The following WDSUB1 variants were observed in gnomAD, a reference collection of about 807,000 sequenced individuals.
WDSUB1 encodes the protein WD repeat, SAM and U-box domain-containing protein 1.
In WDSUB1, 49 loss-of-function variants were observed where a neutral mutation model predicts 53.9. The observed-to-expected ratio is 0.91, with a 90% CI of 0.72 to 1.15. The LOEUF is 1.15. Ranked by LOEUF, WDSUB1 falls within the 50% of genes most tolerant of loss-of-function variation. WDSUB1 has a pLI of 0.00. For missense variants in WDSUB1, 514 were observed against 562.0 expected (o/e 0.91, Z 0.86); for synonymous variants, 194 against 200.6 (o/e 0.97, Z 0.28).
At position 159,286,638 on chromosome 2, in the gene WDSUB1, G is replaced by C. The variant is rs1316071014; in HGVS notation, c.-80C>G. 6.6e-6 allele frequency: 1 copy of C among 152,478 alleles called. No individual in the cohort carries two copies. Among genetic ancestry groups the C allele is most frequent in the South Asian group, 2.1e-4 (1 of 4,842 alleles). The allele number at this position is 152,478 out of a possible 1,614,324, so 9.4% of individuals were successfully genotyped here. A position where few individuals can be genotyped will look rare whatever the true frequency, so the allele number is the denominator to read the frequency against. ...TTCAAGGTGCCCACGGGCGGTGCGGGTCACGTGCCGCGCAGGTGAGGCTGG... is the reference window on the plus strand; with the variant it reads ...TTCAAGGTGCCCACGGGCGGTGCGGCTCACGTGCCGCGCAGGTGAGGCTGG... On this transcript the variant is annotated 5_prime_UTR_variant, in exon 1 of 11. Transcript: ENST00000359774.
intron 6 of WDSUB1, 103 bp downstream of exon 6, chr2:159,259,707 T>C (rs1406793531): frequency 7.9e-7 from 1 of 1,263,820 alleles, no homozygotes; most frequent in Non-Finnish European, 1.1e-6. Flanking sequence ...TTAGTCATAC[T>C]AAACAGAAAA....
intron 6 of WDSUB1, 69 bp downstream of exon 6, chr2:159,259,741 C>A: frequency 1.4e-6 from 2 of 1,422,050 alleles, no homozygotes; most frequent in Admixed American, 5.4e-5. Flanking sequence ...TCTACCAGGC[C>A]TAACTTGAAG....
intron 10 of WDSUB1, among the ~76,000 whole-genome samples, chr2:159,239,245 C>T (rs74412096): frequency 0.072 from 10,885 of 150,938 alleles, no homozygotes; most frequent in East Asian, 0.19. Context: ...GCTCAAACAA[C>T]GCTCCCACCT....
At position 159,282,800 on chromosome 2, in the gene WDSUB1, T is replaced by C. The variant is rs1251454327; in HGVS notation, c.270A>G (p.Ala90=). The C allele has an allele frequency of 1.9e-6, 3 of 1,614,106 alleles. No homozygotes were observed. Among genetic ancestry groups the C allele is most frequent in the Non-Finnish European group, 2.5e-6 (3 of 1,180,050 alleles). The change falls in exon 2 of 11, where the codon GCA becomes GCG. Residue 90 remains alanine (A), a synonymous_variant. Coordinates refer to ENST00000359774, the MANE Select transcript of WDSUB1 (RefSeq NM_001128212.3). ...GGCTGCCACTAGGCTGTTCCATCAC[T>C]GCCAGCATCTGTCCATTTTCAGTAT... ...LWNTENGQML[A]VMEQPSGSPV...
intron 5 of WDSUB1, among the ~76,000 whole-genome samples, chr2:159,270,842 TAC>T (rs35573661): frequency 1.3e-5 from 2 of 151,042 alleles, no homozygotes; most frequent in African/African-American, 4.9e-5. Context: ...AATATAAAAA[TAC>T]ACACACACAC....
chr2:159,275,244 A>T (rs2061516866), intron 4 of WDSUB1, among the ~76,000 whole-genome samples: 1 of 139,726 alleles, frequency 7.2e-6, no homozygotes, highest in African/African-American at 2.5e-5. Flanking sequence ...GTGAATAAAT[A>T]AAAAAATGTA....
At chr2:159,272,654 T>C (rs2151131354) in intron 4 of WDSUB1, among the ~76,000 whole-genome samples, 1 of 152,266 alleles carries the variant, frequency 6.6e-6, no homozygotes, top group Non-Finnish European at 1.5e-5. Context: ...AATACGCCAA[T>C]TGCCCAAAAG....
At position 159,257,745 on chromosome 2, in the gene WDSUB1, T is replaced by G. The variant is rs1382784192; in HGVS notation, c.952+13A>C. Reference sequence around the variant, plus strand: ...TGGGGTTGAAATGAGTGAAAAATGATGTCCTTACTAACCTTGGCAAAGTGT... The same window carrying G: ...TGGGGTTGAAATGAGTGAAAAATGAGGTCCTTACTAACCTTGGCAAAGTGT... On this transcript the variant is annotated intron_variant, in intron 8 of 10. Coordinates refer to ENST00000359774, the MANE Select transcript of WDSUB1 (RefSeq NM_001128212.3). 1 of 1,607,324 alleles carries G rather than the reference T, an allele frequency of 6.2e-7. No individual in the cohort carries two copies. Among genetic ancestry groups the G allele is most frequent in the South Asian group, 1.1e-5 (1 of 90,878 alleles).
At position 159,272,284 on chromosome 2, in the gene WDSUB1, C is replaced by T. The variant is rs1483586065; in HGVS notation, c.677-489G>A. Among the ~76,000 whole-genome samples the T allele has an allele frequency of 2.0e-5, 3 of 152,204 alleles. 1 individual carries two copies. The highest frequency in any genetic ancestry group is 2.0e-4 in the Admixed American group (3 of 15,278). The stretch of plus-strand genomic sequence containing the variant: ...GTTACGGATTGCAGAAACATGATCA[C>T]TAACCCCACTGGACGTTATCTCAGG... On this transcript the variant is annotated intron_variant, in intron 4 of 10. Coordinates refer to ENST00000359774, the MANE Select transcript of WDSUB1 (RefSeq NM_001128212.3).
In WDSUB1 at chr2:159,256,312, G is replaced by A; in HGVS notation, c.1016C>T (p.Thr339Ile). ...TEDWSEEDVS[T>I]WLCAQDLKDL... is the part of the protein sequence containing the mutation. ...TTTTAAATCTTGTGCACAAAGCCAT[G>A]TTGAGACATCCTCCTCTGACCAATC... Residue 339 changes from threonine (T) to isoleucine (I), a missense_variant, in exon 9 of 11, where the codon ACA (threonine) becomes ATA (isoleucine). Physicochemically the swap from Thr to Ile is moderately conservative, Grantham distance 89. Transcript: ENST00000359774. 6.2e-7 allele frequency: 1 copy of A among 1,612,434 alleles called. No homozygotes were observed. The highest frequency in any genetic ancestry group is 1.7e-5 in the Admixed American group (1 of 59,664).
Position 159,256,334 on chromosome 2 carries a change from A to T in WDSUB1, c.994T>A (p.Trp332Arg). 1 of 1,611,284 alleles carries T rather than the reference A, an allele frequency of 6.2e-7. No individual in the cohort carries two copies. Among genetic ancestry groups the T allele is most frequent in the South Asian group, 1.1e-5 (1 of 90,176 alleles). ...EHQLKQFTEDWSEEDVSTWLC... is the reference protein window; with the variant it reads ...EHQLKQFTEDRSEEDVSTWLC... ...CATGTTGAGACATCCTCCTCTGACCAATCTTCGGTAAATTGCTTCAGCTGA... is the reference window on the plus strand; with the variant it reads ...CATGTTGAGACATCCTCCTCTGACCTATCTTCGGTAAATTGCTTCAGCTGA... The change falls in exon 9 of 11, where the codon TGG becomes AGG. Residue 332 changes from tryptophan (W) to arginine (R), a missense_variant. Transcript: ENST00000359774.
chr2:159,282,629 C>T (rs778799306), intron 2 of WDSUB1, 43 bp downstream of exon 2: 2 of 1,564,572 alleles, frequency 1.3e-6, no homozygotes, highest in Non-Finnish European at 1.7e-6. Context: ...TTAAGTACAC[C>T]TAGTCAACAG....
chr2:159,261,909 TTTTTTTTTTTTTTTTTTTTTA>T (rs1558856917), intron 5 of WDSUB1, among the ~76,000 whole-genome samples: 1 of 50,910 alleles, frequency 2.0e-5, no homozygotes, highest in African/African-American at 6.8e-5. Context: ...TTTTTTTTTT[TTTTTTTTTTTTTTTTTTTTTA>T]AATAAATGAA....
rs1558869526 is a variant in WDSUB1 at position 159,271,814 on chromosome 2, CAG to C, written c.677-21_677-20del. 4.4e-6 allele frequency: 7 copies of C among 1,594,204 alleles called. No homozygotes were observed. The highest frequency in any genetic ancestry group is 5.2e-6 in the Non-Finnish European group (6 of 1,163,960). On this transcript the variant is annotated intron_variant, in intron 4 of 10. Transcript: ENST00000359774. ...TCAAAACCTGCAAATAACAAGGTAA[CAG>C]AGATTAGAAAGCTGACCATGCTTAG...
chr2:159,245,903 A>G (rs897224254), intron 10 of WDSUB1, among the ~76,000 whole-genome samples: 1 of 151,340 alleles, frequency 6.6e-6, no homozygotes, highest in Non-Finnish European at 1.5e-5. Flanking sequence ...CGTTGTCTCT[A>G]TAAGAGACAT....
chr2:159,254,285 C>T (rs1005160206), intron 9 of WDSUB1, among the ~76,000 whole-genome samples: 1 of 152,190 alleles, frequency 6.6e-6, no homozygotes, highest in African/African-American at 2.4e-5. Flanking sequence ...CTTGGCCAGG[C>T]ACAGTGGCTC....
chr2:159,272,030 C>T (rs2061453741), intron 4 of WDSUB1, among the ~76,000 whole-genome samples: 1 of 152,196 alleles, frequency 6.6e-6, no homozygotes, highest in African/African-American at 2.4e-5. Flanking sequence ...ATTGAAGTAG[C>T]TTTACTCAGA....
chr2:159,257,450 G>A (rs540135465), intron 8 of WDSUB1, among the ~76,000 whole-genome samples: 5 of 149,134 alleles, frequency 3.4e-5, no homozygotes, highest in African/African-American at 7.5e-5. Context: ...GCAATGGCAC[G>A]ATCTCAGGTC....
At chr2:159,241,683 A>C (rs1159676944) in intron 10 of WDSUB1, among the ~76,000 whole-genome samples, 4 of 146,762 alleles carry the variant, frequency 2.7e-5, no homozygotes, top group Non-Finnish European at 4.4e-5. Flanking sequence ...ATACAAATGT[A>C]CCTGTAAATA....
Sources: gnomAD v4.1 joint callset for allele counts (sites outside exome capture counted in the v4.1 genomes callset) on GRCh38, gnomAD v4.1.1 for gene constraint, MANE v1.5 for transcripts, NCBI Gene and HGNC (gene_info 2026-07-23, HGNC 2026-07-21) for gene names.